Variants in PIBF1 observed in about 807,000 individuals in gnomAD.
PIBF1 encodes progesterone immunomodulatory binding factor 1.
Under a neutral mutation model 112.5 loss-of-function variants are expected in PIBF1, and 90 were observed. The ratio of observed to expected loss-of-function variants is 0.80; its 90% confidence interval spans 0.67 to 0.95. PIBF1 has a LOEUF of 0.95. PIBF1 is among the 40% of genes least tolerant of loss of function. PIBF1 has a pLI of 0.00. For missense variants in PIBF1, 915 were observed against 852.3 expected, an observed-to-expected ratio of 1.07 and a Z score of -0.92; for synonymous variants, 301 against 288.6, an observed-to-expected ratio of 1.04 and a Z score of -0.44.
intron 17 of PIBF1, 111 bp downstream of exon 17, chr13:72,999,106 G>T (rs2043776226): frequency 3.0e-6 from 2 of 670,544 alleles, no homozygotes; most frequent in Admixed American, 5.7e-5. Context: ...CCACAAATAT[G>T]TTTCATGAAA....
At chr13:72,884,566 TAG>T (rs1490131253) in intron 10 of PIBF1, 1 of 152,138 alleles carries the variant, frequency 6.6e-6, no homozygotes, top group African/African-American at 2.4e-5. Context: ...TGTTAAAAAT[TAG>T]AGTTTGTTTA....
At chr13:72,897,252 G>A (rs2040316389) in intron 11 of PIBF1, among the ~76,000 whole-genome samples, 1 of 152,162 alleles carries the variant, frequency 6.6e-6, no homozygotes, top group Non-Finnish European at 1.5e-5. Flanking sequence ...AATACATGCT[G>A]AGAGAATTCA....
intron 12 of PIBF1, among the ~76,000 whole-genome samples, chr13:72,914,724 A>G (rs1281466650): frequency 6.6e-6 from 1 of 152,230 alleles, no homozygotes; most frequent in Non-Finnish European, 1.5e-5. Context: ...AGCTGAGACT[A>G]CAGACACATG....
At chr13:72,902,448 C>T (rs1310446995) in intron 11 of PIBF1, among the ~76,000 whole-genome samples, 1 of 151,570 alleles carries the variant, frequency 6.6e-6, no homozygotes, top group Non-Finnish European at 1.5e-5. Flanking sequence ...TTGTTGGCAT[C>T]TGAGCCTATA....
intron 10 of PIBF1, among the ~76,000 whole-genome samples, chr13:72,883,936 GTACACACA>G (rs2039743399): frequency 6.6e-6 from 1 of 151,880 alleles, no homozygotes; most frequent in African/African-American, 2.4e-5. Flanking sequence ...AGATATATAC[GTACACACA>G]TACATACATA....
chr13:72,884,556 T>C (rs371205885), intron 10 of PIBF1: 6 of 152,188 alleles, frequency 3.9e-5, no homozygotes, highest in African/African-American at 1.2e-4. Flanking sequence ...TAATGTAAGA[T>C]GTTAAAAATT....
intron 6 of PIBF1, among the ~76,000 whole-genome samples, chr13:72,822,409 A>C (rs1014681925): frequency 6.6e-6 from 1 of 152,080 alleles, no homozygotes; most frequent in African/African-American, 2.4e-5. Flanking sequence ...TACTTATAGC[A>C]AATACCTTTT....
intron 14 of PIBF1, among the ~76,000 whole-genome samples, chr13:72,942,826 C>A (rs1243594585): frequency 6.6e-6 from 1 of 152,024 alleles, no homozygotes; most frequent in Non-Finnish European, 1.5e-5. Context: ...CATGATGAAA[C>A]CCTGTCTCTA....
intron 16 of PIBF1, among the ~76,000 whole-genome samples, chr13:72,988,652 CTA>C (rs1267616150): frequency 2.0e-5 from 3 of 152,148 alleles, no homozygotes; most frequent in African/African-American, 7.2e-5. Context: ...TTCTTTTAAA[CTA>C]TTTTTAATCA....
intron 13 of PIBF1, among the ~76,000 whole-genome samples, chr13:72,929,334 G>A (rs1393572689): frequency 6.6e-6 from 1 of 152,108 alleles, no homozygotes; most frequent in Non-Finnish European, 1.5e-5. Context: ...TGTTATTTTA[G>A]GGTCAAATTA....
chr13:72,829,580 G>A (rs1272943853), intron 8 of PIBF1, among the ~76,000 whole-genome samples: 1 of 152,194 alleles, frequency 6.6e-6, no homozygotes, highest in Non-Finnish European at 1.5e-5. Flanking sequence ...TCAAAGATCA[G>A]ATGGTTGTAG....
At chr13:72,855,043 T>G (rs1453417159) in intron 10 of PIBF1, among the ~76,000 whole-genome samples, 2 of 152,182 alleles carry the variant, frequency 1.3e-5, no homozygotes, top group Non-Finnish European at 2.9e-5. Flanking sequence ...GCTACCTTAT[T>G]TTTTTAACTT....
chr13:72,821,768 A>G, intron 5 of PIBF1, 81 bp from the exon 6 acceptor site: 1 of 1,007,948 alleles, frequency 9.9e-7, no homozygotes, highest in African/African-American at 1.7e-5. Context: ...ATCACAGCTT[A>G]ACAGAAGACT....
At chr13:72,956,352 T>C (rs1451448936) in intron 14 of PIBF1, among the ~76,000 whole-genome samples, 1 of 152,140 alleles carries the variant, frequency 6.6e-6, no homozygotes, top group Non-Finnish European at 1.5e-5. Flanking sequence ...TGTGTATGTG[T>C]GTGTGTGACC....
chr13:72,793,555 C>A (rs576564407), intron 3 of PIBF1, among the ~76,000 whole-genome samples: 2 of 152,254 alleles, frequency 1.3e-5, no homozygotes, highest in East Asian at 3.9e-4. Flanking sequence ...ACTTTGAGAA[C>A]CACTGCATTT....
chr13:72,792,918 G>A (rs558595142), intron 3 of PIBF1, among the ~76,000 whole-genome samples: 1 of 152,150 alleles, frequency 6.6e-6, no homozygotes, highest in Admixed American at 6.6e-5. Context: ...CTCTAGCTCA[G>A]TTGTGGGCTT....
chr13:72,934,883 T>C (rs1346021396), intron 14 of PIBF1, among the ~76,000 whole-genome samples: 1 of 152,154 alleles, frequency 6.6e-6, no homozygotes, highest in Non-Finnish European at 1.5e-5. Flanking sequence ...CCTTTGGAAT[T>C]CTTGCCTCCC....
At chr13:72,804,043 A>G (rs1307054921) in intron 5 of PIBF1, among the ~76,000 whole-genome samples, 1 of 152,100 alleles carries the variant, frequency 6.6e-6, no homozygotes, top group Non-Finnish European at 1.5e-5. Flanking sequence ...TGTGGGCTGC[A>G]TATATATACT....
At chr13:72,967,886 T>TA (rs1671188889) in intron 15 of PIBF1, among the ~76,000 whole-genome samples, 1 of 152,068 alleles carries the variant, frequency 6.6e-6, no homozygotes, top group African/African-American at 2.4e-5. Flanking sequence ...TCTATAATGA[T>TA]AAAAATATTC....
Sources: allele counts gnomAD v4.1 joint callset (sites outside exome capture counted in the v4.1 genomes callset), GRCh38; gene constraint gnomAD v4.1.1; transcripts MANE v1.5; gene names NCBI Gene and HGNC (gene_info 2026-07-23, HGNC 2026-07-21).